The following CCDC178 variants were observed in gnomAD, a reference collection of about 807,000 sequenced individuals.
CCDC178 encodes the protein coiled-coil domain containing 178.
A neutral mutation model predicts 117.4 loss-of-function variants in CCDC178; 126 were observed. The ratio of observed to expected loss-of-function variants is 1.07; its 90% CI spans 0.93 to 1.24. CCDC178 has a LOEUF of 1.24. Among genes scored for constraint, CCDC178 ranks in the 50% most tolerant of loss-of-function variants. The probability of loss-of-function intolerance (pLI) is 0.00; values close to 1 mark genes in which losing one functional copy is unlikely to be tolerated. For missense variants in CCDC178, 1,030 were observed against 986.9 expected, an observed-to-expected ratio of 1.04 and a Z score of -0.59; for synonymous variants, 283 against 313.4, an observed-to-expected ratio of 0.90 and a Z score of 1.02.
At chr18:33,140,656 T>G in intron 20 of CCDC178, among the ~76,000 whole-genome samples, 1 of 152,186 alleles carries the variant, frequency 6.6e-6, no homozygotes, top group East Asian at 1.9e-4. Context: ...AGGGAATAAC[T>G]AGCTTTTGAT....
chr18:33,171,328 C>G (rs367674206), intron 20 of CCDC178, among the ~76,000 whole-genome samples: 30 of 152,282 alleles, frequency 2.0e-4, no homozygotes, highest in African/African-American at 7.0e-4. Context: ...CTTCCTGATA[C>G]TTACACCTGA....
chr18:32,947,673 A>G (rs937613174), intron 22 of CCDC178, among the ~76,000 whole-genome samples: 3 of 152,082 alleles, frequency 2.0e-5, no homozygotes, highest in Admixed American at 6.5e-5. Context: ...CCAGTTTTTC[A>G]TTTCCTTAAC....
In CCDC178 at chr18:33,224,671, CT is replaced by C. The variant is rs200469422; in HGVS notation, c.1818+103del. On this transcript the variant is annotated intron_variant, in intron 17 of 22. Transcript: ENST00000383096. The stretch of plus-strand genomic sequence containing the variant: ...CCTGAAATAGTTACTTAGTTTGCCC[CT>C]ATGTGAAATCATAATTTCCCAAATG... 3.3e-4 allele frequency: 228 copies of C among 688,288 alleles called. No homozygotes were observed. The East Asian group carries it at 4.0e-3, about 12-fold the overall frequency. The allele number at this position is 688,288 out of a possible 1,614,324, so 42.6% of individuals were successfully genotyped here. A position where few individuals can be genotyped will look rare whatever the true frequency, so the allele number is the denominator to read the frequency against.
At chr18:33,250,783 A>G (rs1451767657) in intron 14 of CCDC178, among the ~76,000 whole-genome samples, 2 of 151,586 alleles carry the variant, frequency 1.3e-5, no homozygotes, top group African/African-American at 4.8e-5. Context: ...AAACCCAACA[A>G]GGATCATCAA....
At chr18:33,155,280 CTGAA>C (rs779639810) in intron 20 of CCDC178, among the ~76,000 whole-genome samples, 57 of 151,916 alleles carry the variant, frequency 3.8e-4, no homozygotes, top group African/African-American at 1.0e-3. Context: ...AAAAAAGAAA[CTGAA>C]TGGGAAATTT....
intron 3 of CCDC178, among the ~76,000 whole-genome samples, chr18:33,405,901 G>A (rs2063773461): frequency 6.6e-6 from 1 of 152,042 alleles, no homozygotes; most frequent in African/African-American, 2.4e-5. Flanking sequence ...ATATGGTGTT[G>A]GGTGTGGAGT....
intron 20 of CCDC178, among the ~76,000 whole-genome samples, chr18:33,156,853 C>T (rs1022719015): frequency 2.0e-5 from 3 of 152,104 alleles, no homozygotes; most frequent in Admixed American, 6.5e-5. Context: ...AGTTTCCCTG[C>T]TCCTATAGCA....
At chr18:33,142,207 C>T (rs1318854602) in intron 20 of CCDC178, among the ~76,000 whole-genome samples, 1 of 152,088 alleles carries the variant, frequency 6.6e-6, no homozygotes, top group Non-Finnish European at 1.5e-5. Flanking sequence ...GTGGTCACAA[C>T]TAGAGGGATG....
intron 19 of CCDC178, among the ~76,000 whole-genome samples, chr18:33,213,809 TTTGA>T (rs765280053): frequency 4.6e-5 from 7 of 152,014 alleles, no homozygotes; most frequent in Non-Finnish European, 1.0e-4. Flanking sequence ...CAAGGATGGC[TTTGA>T]TTGCCATTAT....
intron 20 of CCDC178, among the ~76,000 whole-genome samples, chr18:33,171,638 T>C (rs139861477): frequency 1.3e-5 from 2 of 152,334 alleles, no homozygotes; most frequent in South Asian, 2.1e-4. Flanking sequence ...CTGTAAATTA[T>C]AGAGGAACCA....
intron 10 of CCDC178, among the ~76,000 whole-genome samples, chr18:33,332,754 C>G (rs1472617120): frequency 6.6e-6 from 1 of 152,012 alleles, no homozygotes; most frequent in East Asian, 1.9e-4. Context: ...GAGGATACTA[C>G]AGGCACAAGC....
At chr18:33,325,253 T>C (rs932298547) in intron 10 of CCDC178, among the ~76,000 whole-genome samples, 36 of 152,056 alleles carry the variant, frequency 2.4e-4, no homozygotes, top group African/African-American at 7.5e-4. Context: ...TTTTGAATAA[T>C]GAATACATTT....
At chr18:33,193,264 CAAAAAAAAAAA>C (rs59092607) in intron 20 of CCDC178, among the ~76,000 whole-genome samples, 3 of 77,178 alleles carry the variant, frequency 3.9e-5, no homozygotes, top group African/African-American at 1.1e-4. Flanking sequence ...CTCCGTCTCA[CAAAAAAAAAAA>C]AAAAAAAAAA....
intron 20 of CCDC178, among the ~76,000 whole-genome samples, chr18:33,208,822 G>C (rs377031745): frequency 6.6e-6 from 1 of 151,864 alleles, no homozygotes; most frequent in Non-Finnish European, 1.5e-5. Flanking sequence ...GGTATTTCCT[G>C]AGAGTAGAAA....
chr18:33,105,283 A>G (rs1405478544), intron 20 of CCDC178, among the ~76,000 whole-genome samples: 2 of 151,688 alleles, frequency 1.3e-5, no homozygotes, highest in Non-Finnish European at 3.0e-5. Flanking sequence ...TGTCACTGCA[A>G]TCACCATGTT....
chr18:32,938,010 C>T lies in CCDC178; in HGVS notation c.*1G>A. ...GCATCCAAGATACATTGGTTGTTTG[C>T]TTAACCATCGTTTTCGCATGTGCCA... On this transcript the variant is annotated 3_prime_UTR_variant, in exon 23 of 23. Coordinates refer to ENST00000383096, the MANE Select transcript of CCDC178 (RefSeq NM_001105528.4). 6.2e-7 allele frequency: 1 copy of T among 1,610,008 alleles called. No homozygotes were observed. The highest frequency in any genetic ancestry group is 8.5e-7 in the Non-Finnish European group (1 of 1,176,434).
rs148729360 is a variant in CCDC178 at position 33,365,409 on chromosome 18, G to A, written c.348+4641C>T. Among the ~76,000 whole-genome samples, 237 of 152,124 alleles carry A rather than the reference G, an allele frequency of 1.6e-3. 1 individual carries two copies. Among genetic ancestry groups the A allele is most frequent in the South Asian group, 2.1e-3 (10 of 4,820 alleles). Reference sequence around the variant, plus strand: ...GCTGAACCGGATGTGCTTAGAGCTCGGATACACCTGGTCTGGATGCTGGCT... The same window carrying A: ...GCTGAACCGGATGTGCTTAGAGCTCAGATACACCTGGTCTGGATGCTGGCT... On this transcript the variant is annotated intron_variant, in intron 6 of 22. Coordinates refer to ENST00000383096, the MANE Select transcript of CCDC178 (RefSeq NM_001105528.4).
At chr18:33,163,753 C>T (rs1446541659) in intron 20 of CCDC178, among the ~76,000 whole-genome samples, 2 of 152,130 alleles carry the variant, frequency 1.3e-5, no homozygotes, top group Non-Finnish European at 2.9e-5. Context: ...TTAAAAGATA[C>T]TAAACAAGCA....
At chr18:33,347,434 G>A (rs900505719) in intron 8 of CCDC178, among the ~76,000 whole-genome samples, 2 of 152,112 alleles carry the variant, frequency 1.3e-5, no homozygotes, top group Non-Finnish European at 2.9e-5. Context: ...AATCCAGCAT[G>A]CTGCCTCAGA....
Sources: allele counts gnomAD v4.1 joint callset (sites outside exome capture counted in the v4.1 genomes callset), GRCh38; gene constraint gnomAD v4.1.1; transcripts MANE v1.5; gene names NCBI Gene and HGNC (gene_info 2026-07-23, HGNC 2026-07-21).